Variants in VPS26A observed in about 807,000 individuals in gnomAD.
VPS26A encodes the protein VPS26 retromer complex component A.
A neutral mutation model predicts 42.4 loss-of-function variants in VPS26A; 22 were observed. That is an observed-to-expected ratio of 0.52 (90% CI 0.37 to 0.74). The LOEUF (loss-of-function observed/expected upper bound fraction) is 0.74. Ranked by LOEUF, VPS26A falls within the 30% of genes least tolerant of loss-of-function variation. VPS26A has a pLI of 0.00. For missense variants in VPS26A, 276 were observed against 379.2 expected (o/e 0.73, Z 2.26); for synonymous variants, 110 against 123.5 (o/e 0.89, Z 0.73).
Position 69,135,765 on chromosome 10 carries a change from T to C in VPS26A, c.153+2718T>C, listed in dbSNP as rs184721274. ...GGTTTGAGATTTTTTTCATTTTTAA[T>C]GTTTTTATTGAAAAAACACGTGTAG... On this transcript the variant is annotated intron_variant, in intron 2 of 8. Coordinates refer to ENST00000263559, the MANE Select transcript of VPS26A (RefSeq NM_004896.5). Among the ~76,000 whole-genome samples, 4 of 152,294 alleles carry C rather than the reference T, an allele frequency of 2.6e-5. No homozygotes were observed. In the East Asian group the frequency reaches 7.7e-4, roughly 29 times the overall value.
At chr10:69,127,593 G>A (rs187410119) in intron 1 of VPS26A, among the ~76,000 whole-genome samples, 16 of 150,922 alleles carry the variant, frequency 1.1e-4, no homozygotes, top group Non-Finnish European at 1.5e-4. Context: ...ATGCCATATT[G>A]TCATGGAATA....
chr10:69,124,200 G>A lies in VPS26A; in HGVS notation c.-78G>A, dbSNP rs1430878571. 12 of 1,262,088 alleles carry A rather than the reference G, an allele frequency of 9.5e-6. No individual in the cohort carries two copies. Among genetic ancestry groups the A allele is most frequent in the African/African-American group, 1.5e-5 (1 of 64,858 alleles). 78.2% of individuals were successfully genotyped at this position (1,262,088 alleles called of 1,614,324 possible). ...CCCGAGGTCACGTGACGGAGCGCCG[G>A]AGCGGAGGGAGCCGGGGCTGGGAGT... On this transcript the variant is annotated 5_prime_UTR_variant, in exon 1 of 9. Transcript: ENST00000263559.
chr10:69,133,647 A>G (rs1204828713), intron 2 of VPS26A: 1 of 1,264,716 alleles, frequency 7.9e-7, no homozygotes, highest in Admixed American at 2.4e-5. Flanking sequence ...GGTAATGTAT[A>G]CGGTTTTTTG....
Position 69,168,598 on chromosome 10 carries a change from T to C in VPS26A, c.837T>C (p.Val279=). The C allele has an allele frequency of 1.2e-6, 2 of 1,614,166 alleles. No homozygotes were observed. Among genetic ancestry groups the C allele is most frequent in the Non-Finnish European group, 1.7e-6 (2 of 1,180,012 alleles). ...SVRYFLNLVL[V]DEEDRRYFKQ... is the part of the protein sequence containing the mutation. The stretch of plus-strand genomic sequence containing the variant: ...GGTACTTTTTGAATTTAGTGCTTGT[T>C]GATGAGGAAGACCGGAGGTACTTCA... The change falls in exon 8 of 9, where the codon GTT becomes GTC. Residue 279 remains valine, a synonymous_variant. Transcript: ENST00000263559.
intron 3 of VPS26A, 53 bp downstream of exon 3, chr10:69,155,940 G>C: frequency 7.0e-7 from 1 of 1,431,176 alleles, no homozygotes; most frequent in Non-Finnish European, 9.6e-7. Context: ...AATTTGAAGA[G>C]GGTTGGATTT....
chr10:69,164,406 CAG>C (rs1442085691), intron 6 of VPS26A, among the ~76,000 whole-genome samples: 3 of 152,082 alleles, frequency 2.0e-5, no homozygotes, highest in Admixed American at 2.0e-4. Flanking sequence ...TTTGTAGAGA[CAG>C]GGTGTCACTA....
At chr10:69,141,667 C>T (rs117679105) in intron 2 of VPS26A, among the ~76,000 whole-genome samples, 2,429 of 152,200 alleles carry the variant, frequency 0.016, 23 homozygotes, top group Admixed American at 0.026. Context: ...TTGTTCATTT[C>T]ACTGTTTATA....
rs186348766 is a variant in VPS26A, at chr10:69,146,360, T to C, written c.154-9452T>C. On this transcript the variant is annotated intron_variant, in intron 2 of 8. Coordinates refer to ENST00000263559, the MANE Select transcript of VPS26A (RefSeq NM_004896.5). ...TCGGTTTCCCAAAGTGCTGGAATTA[T>C]AGGCGTGAGCCACCGTGCCTGGTCA... 1.9e-3 allele frequency among the ~76,000 whole-genome samples: 286 copies of C among 152,312 alleles called. 2 individuals are homozygous for C. Among genetic ancestry groups the C allele is most frequent in the Non-Finnish European group, 3.1e-3 (212 of 68,028 alleles).
intron 1 of VPS26A, among the ~76,000 whole-genome samples, chr10:69,125,341 A>G (rs1010223107): frequency 6.6e-6 from 1 of 152,196 alleles, no homozygotes; most frequent in African/African-American, 2.4e-5. Flanking sequence ...CTTTCATTCA[A>G]CAAATAATTG....
chr10:69,151,270 A>AC (rs1554854477), intron 2 of VPS26A, among the ~76,000 whole-genome samples: 2 of 64,368 alleles, frequency 3.1e-5, no homozygotes, highest in Non-Finnish European at 8.7e-5. Flanking sequence ...ATGTCAAAAA[A>AC]AAAAAAAAAA....
chr10:69,168,457 T>G, intron 7 of VPS26A, 32 bp from the exon 8 acceptor site: 1 of 1,602,818 alleles, frequency 6.2e-7, no homozygotes, highest in Non-Finnish European at 8.5e-7. Context: ...TTAATCATCT[T>G]TAGAATTAAG....
rs373115314 is a variant in VPS26A at position 69,166,162 on chromosome 10, T to G, written c.727+52T>G. ...TGTATAGTGCAAACATCAGTGTTCA[T>G]GGCAGTTTTGTTTGTATTTATTTAG... On this transcript the variant is annotated intron_variant, in intron 7 of 8. Transcript: ENST00000263559. 400 of 1,512,978 alleles carry G rather than the reference T, an allele frequency of 2.6e-4. No individual in the cohort carries two copies. The Middle Eastern group carries it at 5.8e-3, about 22-fold the overall frequency. The allele number at this position is 1,512,978 out of a possible 1,614,324, so 93.7% of individuals were successfully genotyped here. A position where few individuals can be genotyped will look rare whatever the true frequency, so the allele number is the denominator to read the frequency against.
At chr10:69,129,549 A>G (rs1054868404) in intron 1 of VPS26A, among the ~76,000 whole-genome samples, 1 of 151,196 alleles carries the variant, frequency 6.6e-6, no homozygotes, top group Admixed American at 6.6e-5. Flanking sequence ...AAAAGAAAAA[A>G]AAATTTTTTT....
chr10:69,162,450 TAGTA>T lies in VPS26A; in HGVS notation c.599_602del (p.Val200GlufsTer2). On this transcript the variant is annotated frameshift_variant, in exon 6 of 9. Coordinates refer to ENST00000263559, the MANE Select transcript of VPS26A (RefSeq NM_004896.5). LOFTEE classifies it high-confidence loss of function. ...ATTGTTGGAAAAATTTACTTCTTATTAGTAAGAATAAAAATACAACATATGGAGT... is the reference window on the plus strand; with the variant it reads ...ATTGTTGGAAAAATTTACTTCTTATTAGAATAAAAATACAACATATGGAGT... The T allele has an allele frequency of 6.4e-7, 1 of 1,567,618 alleles. No homozygotes were observed. The highest frequency in any genetic ancestry group is 8.7e-7 in the Non-Finnish European group (1 of 1,142,884).
chr10:69,152,969 CA>C (rs11284955), intron 2 of VPS26A, among the ~76,000 whole-genome samples: 95,882 of 129,452 alleles, frequency 0.74, 36,304 homozygotes, highest in Non-Finnish European at 0.87. Context: ...GGCTCTGTCT[CA>C]AAAAAAAAAA....
chr10:69,151,284 C>CCAAAACAAAAAAAA (rs1841308955), intron 2 of VPS26A, among the ~76,000 whole-genome samples: 1 of 111,870 alleles, frequency 8.9e-6, no homozygotes, highest in Admixed American at 8.2e-5. Context: ...AAAAAAAAAA[C>CCAAAACAAAAAAAA]ACACACACAC....
intron 5 of VPS26A, among the ~76,000 whole-genome samples, chr10:69,159,273 T>G (rs1841499635): frequency 6.6e-6 from 1 of 151,312 alleles, no homozygotes; most frequent in Non-Finnish European, 1.5e-5. Flanking sequence ...CCCAGCTACT[T>G]GGGAGGCTGA....
At chr10:69,146,333 C>T (rs1182093662) in intron 2 of VPS26A, among the ~76,000 whole-genome samples, 2 of 152,134 alleles carry the variant, frequency 1.3e-5, no homozygotes, top group East Asian at 1.9e-4. Context: ...GATCTGCCCA[C>T]CTCGGTTTCC....
At chr10:69,125,335 C>A (rs1435396787) in intron 1 of VPS26A, among the ~76,000 whole-genome samples, 1 of 152,040 alleles carries the variant, frequency 6.6e-6, no homozygotes, top group Non-Finnish European at 1.5e-5. Context: ...TTTTTTCTTT[C>A]ATTCAACAAA....
Sources: gnomAD v4.1 joint callset for allele counts (sites outside exome capture counted in the v4.1 genomes callset) on GRCh38, gnomAD v4.1.1 for gene constraint, MANE v1.5 for transcripts, NCBI Gene and HGNC (gene_info 2026-07-23, HGNC 2026-07-21) for gene names.